EPHA6: variants seen among roughly 807,000 people sequenced by gnomAD.
EPHA6 encodes ephrin type-A receptor 6.
In EPHA6, 50 loss-of-function variants were observed where a neutral mutation model predicts 112.0. That is an observed-to-expected ratio of 0.45 (90% CI 0.36 to 0.56). The LOEUF is 0.56. Ranked by LOEUF, EPHA6 falls within the 20% of genes least tolerant of loss-of-function variation. The pLI is 0.00. For missense variants in EPHA6, 1,280 were observed against 1,417.4 expected, an observed-to-expected ratio of 0.90 and a Z score of 1.56; for synonymous variants, 529 against 490.7, an observed-to-expected ratio of 1.08 and a Z score of -1.03.
chr3:96,859,248 T>A (rs1435326696), intron 1 of EPHA6, among the ~76,000 whole-genome samples: 1 of 152,026 alleles, frequency 6.6e-6, no homozygotes, highest in East Asian at 1.9e-4. Context: ...GACAAAAGAA[T>A]TCTTTAATTT....
intron 5 of EPHA6, among the ~76,000 whole-genome samples, chr3:97,322,198 G>A (rs549743412): frequency 1.3e-5 from 2 of 152,004 alleles, no homozygotes; most frequent in African/African-American, 2.4e-5. Context: ...TAGATGCTAA[G>A]CTATGCAAAA....
At chr3:96,950,446 C>T (rs1008207952) in intron 2 of EPHA6, among the ~76,000 whole-genome samples, 5 of 152,084 alleles carry the variant, frequency 3.3e-5, no homozygotes, top group Non-Finnish European at 7.4e-5. Flanking sequence ...AGTTGCATTT[C>T]TCTCTCTCAT....
At chr3:97,443,325 C>T (rs185294264) in intron 6 of EPHA6, among the ~76,000 whole-genome samples, 4 of 107,570 alleles carry the variant, frequency 3.7e-5, no homozygotes, top group Non-Finnish European at 5.4e-5. Context: ...GCCAGTAGAA[C>T]AAGAGCTTTA....
chr3:96,817,851 CA>C (rs1380704685), intron 1 of EPHA6, among the ~76,000 whole-genome samples: 1 of 151,800 alleles, frequency 6.6e-6, no homozygotes, highest in Admixed American at 6.6e-5. Flanking sequence ...TAACGTGGTG[CA>C]AACAGTAACT....
intron 11 of EPHA6, among the ~76,000 whole-genome samples, chr3:97,545,943 T>C (rs1230165052): frequency 6.6e-6 from 1 of 152,206 alleles, no homozygotes; most frequent in African/African-American, 2.4e-5. Flanking sequence ...TCCCTTTATT[T>C]TGAGCCTATG....
intron 10 of EPHA6, among the ~76,000 whole-genome samples, chr3:97,494,295 C>T (rs1337935081): frequency 6.8e-6 from 1 of 147,586 alleles, no homozygotes; most frequent in East Asian, 1.9e-4. Flanking sequence ...CTTTTATAAC[C>T]AGTTAATCTA....
At chr3:97,300,554 A>G (rs2081053385) in intron 5 of EPHA6, among the ~76,000 whole-genome samples, 1 of 152,176 alleles carries the variant, frequency 6.6e-6, no homozygotes, top group Non-Finnish European at 1.5e-5. Flanking sequence ...AATTATGGAC[A>G]TGTTTGTGAT....
intron 14 of EPHA6, among the ~76,000 whole-genome samples, chr3:97,698,555 A>G (rs190818687): frequency 1.1e-4 from 17 of 152,220 alleles, no homozygotes; most frequent in African/African-American, 2.4e-4. Flanking sequence ...AAATTTCAGG[A>G]TAACACAATA....
At position 97,146,586 on chromosome 3, in the gene EPHA6, T is replaced by C. The variant is rs934751661; in HGVS notation, c.1115-79678T>C. Among the ~76,000 whole-genome samples, 6 of 151,990 alleles carry C rather than the reference T, an allele frequency of 3.9e-5. No homozygotes were observed. In the South Asian group the frequency reaches 1.2e-3, roughly 31 times the overall value. On this transcript the variant is annotated intron_variant, in intron 3 of 17. Coordinates refer to ENST00000389672, the MANE Select transcript of EPHA6 (RefSeq NM_001080448.3). ...TAATCCATGACTCTTGTACTCTCTA[T>C]ATTAGGTAACTCACACCAATAGCTA...
intron 6 of EPHA6, among the ~76,000 whole-genome samples, chr3:97,418,943 G>A (rs1249404682): frequency 1.3e-5 from 2 of 152,090 alleles, no homozygotes; most frequent in South Asian, 2.1e-4. Context: ...ATAAATGAAC[G>A]AGTATAATAA....
rs115873772 is a variant in EPHA6 at position 97,446,067 on chromosome 3, G to A, written c.1732-2501G>A. The stretch of plus-strand genomic sequence containing the variant: ...AACACCTTTGAAATGGAGTTGATGC[G>A]TCAGCAGAAAGGCAACTGGCCAAAA... On this transcript the variant is annotated intron_variant, in intron 6 of 17. Coordinates refer to ENST00000389672, the MANE Select transcript of EPHA6 (RefSeq NM_001080448.3). Among the ~76,000 whole-genome samples, 406 of 152,286 alleles carry A rather than the reference G, an allele frequency of 2.7e-3. 7 individuals are homozygous for A. The highest frequency in any genetic ancestry group is 8.7e-3 in the African/African-American group (361 of 41,552).
At chr3:97,489,110 G>A (rs1430467430) in intron 10 of EPHA6, among the ~76,000 whole-genome samples, 1 of 152,116 alleles carries the variant, frequency 6.6e-6, no homozygotes, top group African/African-American at 2.4e-5. Context: ...CTATCTTACA[G>A]GATTAATAAA....
intron 5 of EPHA6, among the ~76,000 whole-genome samples, chr3:97,253,191 T>G (rs891902704): frequency 6.6e-6 from 1 of 152,206 alleles, no homozygotes; most frequent in Non-Finnish European, 1.5e-5. Flanking sequence ...CACAAGACCT[T>G]AAAATATATA....
intron 1 of EPHA6, among the ~76,000 whole-genome samples, chr3:96,847,389 AT>A (rs66915504): frequency 0.22 from 33,135 of 151,020 alleles, 6,358 homozygotes; most frequent in African/African-American, 0.49. Context: ...TGACACGTTC[AT>A]TTTTTTTTCT....
At chr3:96,986,729 A>C (rs1237216620) in intron 2 of EPHA6, among the ~76,000 whole-genome samples, 2 of 152,182 alleles carry the variant, frequency 1.3e-5, no homozygotes, top group East Asian at 1.9e-4. Context: ...CAGCTTGTTA[A>C]CTGCTGTATT....
chr3:97,295,986 C>A (rs1347026996), intron 5 of EPHA6, among the ~76,000 whole-genome samples: 1 of 152,122 alleles, frequency 6.6e-6, no homozygotes, highest in Non-Finnish European at 1.5e-5. Flanking sequence ...CAGATCTGAG[C>A]TAGTTGATTC....
intron 1 of EPHA6, among the ~76,000 whole-genome samples, chr3:96,863,625 C>T (rs2036135966): frequency 6.6e-6 from 1 of 151,868 alleles, no homozygotes; most frequent in South Asian, 2.1e-4. Flanking sequence ...TAAGCATTTG[C>T]ACTATAATAG....
rs1304217440 is a variant in EPHA6, at chr3:97,313,238, GC to G, written c.1606+68952del. 2.6e-5 allele frequency among the ~76,000 whole-genome samples: 4 copies of G among 151,396 alleles called. No homozygotes were observed. In the Admixed American group the frequency reaches 2.6e-4, roughly 10 times the overall value. On this transcript the variant is annotated intron_variant, in intron 5 of 17. Coordinates refer to ENST00000389672, the MANE Select transcript of EPHA6 (RefSeq NM_001080448.3). ...CAGTTCTAATTATCTTCTTTTTAAG[GC>G]TATATAGTATTCCATTGTATATATA...
intron 2 of EPHA6, among the ~76,000 whole-genome samples, chr3:96,966,945 C>T (rs1436034073): frequency 6.6e-6 from 1 of 151,854 alleles, no homozygotes; most frequent in African/African-American, 2.4e-5. Context: ...CTGTGGGAAC[C>T]ATATTTAATT....
Sources: allele counts gnomAD v4.1 joint callset (sites outside exome capture counted in the v4.1 genomes callset), GRCh38; gene constraint gnomAD v4.1.1; transcripts MANE v1.5; gene names NCBI Gene and HGNC (gene_info 2026-07-23, HGNC 2026-07-21).